SYT13: variants seen among roughly 807,000 people sequenced by gnomAD.
SYT13 encodes the protein synaptotagmin 13.
SYT13 carries 21 observed loss-of-function variants against 38.6 expected under a neutral mutation model. The observed-to-expected ratio is 0.54, with a 90% CI of 0.39 to 0.78. The LOEUF (loss-of-function observed/expected upper bound fraction) is 0.78, where lower values mean the gene tolerates loss of function less well. SYT13 is among the 30% of genes least tolerant of loss of function. SYT13 has a pLI of 0.00. For missense variants in SYT13, 495 were observed against 548.7 expected (o/e 0.90, Z 0.98); for synonymous variants, 241 against 237.6 (o/e 1.01, Z -0.13).
rs781215893 is a variant in SYT13 at position 45,246,443 on chromosome 11, C to T, written c.916G>A (p.Val306Met). Residue 306 changes from valine (V) to methionine (M), a missense_variant, in exon 5 of 6, where the codon GTG becomes ATG. Coordinates refer to ENST00000020926, the MANE Select transcript of SYT13 (RefSeq NM_020826.3). ...AGGTTCTTGGCTTTAATCAGCACCA[C>T]CAGGAGGCGGTTGGCAGCCGGGAGG... is the stretch of plus-strand genomic sequence containing the variant. ...SYLPAANRLL[V>M]VLIKAKNLHS... 1.2e-6 allele frequency: 2 copies of T among 1,614,108 alleles called. No homozygotes were observed. The highest frequency in any genetic ancestry group is 1.1e-5 in the South Asian group (1 of 91,078).
rs750828628 is a variant in SYT13 at position 45,244,146 on chromosome 11, C to T, written c.1187G>A (p.Gly396Asp). 1 of 1,613,768 alleles carries T rather than the reference C, an allele frequency of 6.2e-7. No individual in the cohort carries two copies. The highest frequency in any genetic ancestry group is 8.5e-7 in the Non-Finnish European group (1 of 1,180,038). Residue 396 changes from glycine to aspartate, a missense_variant, in exon 6 of 6, where the codon GGC (glycine) becomes GAC (aspartate). Transcript: ENST00000020926. ...QSCALGHCSL[G>D]LHTSGSERSH... ...GCGCTCAGAGCCCGAGGTGTGCAGG[C>T]CCAGGCTGCAGTGGCCAAGCGCACA...
chr11:45,266,322 T>C (rs1286443275), intron 1 of SYT13, among the ~76,000 whole-genome samples: 3 of 152,168 alleles, frequency 2.0e-5, no homozygotes, highest in Admixed American at 1.3e-4. Context: ...TCAGGAGCAA[T>C]TGGGGATCTT....
chr11:45,263,970 C>T (rs1023923683), intron 1 of SYT13, among the ~76,000 whole-genome samples: 1 of 152,178 alleles, frequency 6.6e-6, no homozygotes, highest in African/African-American at 2.4e-5. Context: ...GCCCAGCCAA[C>T]CCTCGACAAA....
Position 45,252,262 on chromosome 11 carries a change from C to T in SYT13, c.846+159G>A, listed in dbSNP as rs1854685373. On this transcript the variant is annotated intron_variant, in intron 4 of 5. Transcript: ENST00000020926. This position sits in a 1 kb window ranked among gnomAD's most constrained non-coding sequence, Gnocchi z 4.3. Reference sequence around the variant, plus strand: ...ATCCTGGGCTATGGGTCTCCTCTAGCCCTCTGCCCCATTCAAGATTCCAAC... The same window carrying T: ...ATCCTGGGCTATGGGTCTCCTCTAGTCCTCTGCCCCATTCAAGATTCCAAC... Among the ~76,000 whole-genome samples the T allele has an allele frequency of 6.6e-6, 1 of 152,200 alleles. No homozygotes were observed. The highest frequency in any genetic ancestry group is 1.5e-5 in the Non-Finnish European group (1 of 68,028).
chr11:45,254,805 A>G (rs1184676536), intron 2 of SYT13, among the ~76,000 whole-genome samples: 1 of 152,164 alleles, frequency 6.6e-6, no homozygotes, highest in Non-Finnish European at 1.5e-5. Context: ...GATGAAAAGG[A>G]GAGTAGAAAT....
intron 1 of SYT13, among the ~76,000 whole-genome samples, chr11:45,268,167 G>C (rs1356747969): frequency 5.3e-5 from 8 of 152,120 alleles, no homozygotes; most frequent in Non-Finnish European, 1.2e-4. Context: ...AGGAATACCA[G>C]CCAGCCCTAA....
chr11:45,276,863 T>A (rs1300738505), intron 1 of SYT13, among the ~76,000 whole-genome samples: 4 of 152,134 alleles, frequency 2.6e-5, no homozygotes, highest in African/African-American at 9.7e-5. Flanking sequence ...AAATGTTAAA[T>A]ATAGAATTAC....
intron 3 of SYT13, among the ~76,000 whole-genome samples, chr11:45,253,716 C>T (rs1854706245): frequency 6.6e-6 from 1 of 152,094 alleles, no homozygotes; most frequent in African/African-American, 2.4e-5. Flanking sequence ...GCTGTGTGTC[C>T]AGCACAAAGC....
chr11:45,284,045 C>T (rs1855106247), intron 1 of SYT13, among the ~76,000 whole-genome samples: 2 of 152,116 alleles, frequency 1.3e-5, no homozygotes, highest in African/African-American at 4.8e-5. Context: ...GGAAAAAGAC[C>T]TGAAGGATGA....
intron 3 of SYT13, among the ~76,000 whole-genome samples, chr11:45,253,366 C>A (rs944324251): frequency 6.6e-6 from 1 of 152,144 alleles, no homozygotes; most frequent in East Asian, 1.9e-4. Context: ...GCTCTGTCAC[C>A]AGTTAGATGC....
At chr11:45,280,853 A>G (rs1221097899) in intron 1 of SYT13, among the ~76,000 whole-genome samples, 1 of 152,252 alleles carries the variant, frequency 6.6e-6, no homozygotes, top group African/African-American at 2.4e-5. Context: ...AAATGAAGGA[A>G]AAATTCTCTG....
chr11:45,286,330 G>A lies in SYT13; in HGVS notation c.-123C>T. 3 of 1,201,834 alleles carry A rather than the reference G, an allele frequency of 2.5e-6. No individual in the cohort carries two copies. The highest frequency in any genetic ancestry group is 3.3e-6 in the Non-Finnish European group (3 of 896,346). The allele number at this position is 1,201,834 out of a possible 1,614,324, so 74.4% of individuals were successfully genotyped here. ...AGCTCTCCCGCCGCCAGAGGGGCGG[G>A]GACGGAGGGAGGGAGGACGGCTGCG... On this transcript the variant is annotated 5_prime_UTR_variant, in exon 1 of 6. Transcript: ENST00000020926.
rs559300348 is a variant in SYT13 at position 45,269,479 on chromosome 11, C to T, written c.184-13588G>A. The T allele has an allele frequency of 5.4e-4, 700 of 1,286,604 alleles. 2 individuals are homozygous for T. The highest frequency in any genetic ancestry group is 8.5e-4 in the Middle Eastern group (4 of 4,690). The allele number at this position is 1,286,604 out of a possible 1,614,324, so 79.7% of individuals were successfully genotyped here. A position where few individuals can be genotyped will look rare whatever the true frequency, so the allele number is the denominator to read the frequency against. ...ACATCACAAAGCCCTTTGGCCACCA[C>T]CTCTGTAAACTTCATATGTAACAGA... is the stretch of plus-strand genomic sequence containing the variant. On this transcript the variant is annotated intron_variant, in intron 1 of 5. Coordinates refer to ENST00000020926, the MANE Select transcript of SYT13 (RefSeq NM_020826.3).
intron 5 of SYT13, among the ~76,000 whole-genome samples, chr11:45,244,671 C>T (rs539244440): frequency 1.8e-4 from 28 of 152,196 alleles, no homozygotes; most frequent in Non-Finnish European, 3.8e-4. Context: ...TTATTCTCCA[C>T]TCCCCCACTA....
chr11:45,273,366 G>A (rs1854973434), intron 1 of SYT13, among the ~76,000 whole-genome samples: 1 of 152,066 alleles, frequency 6.6e-6, no homozygotes, highest in African/African-American at 2.4e-5. Context: ...CACTCCTCTT[G>A]TCCTCAGATC....
chr11:45,255,002 G>A (rs1435297395), intron 2 of SYT13, among the ~76,000 whole-genome samples: 1 of 152,044 alleles, frequency 6.6e-6, no homozygotes, highest in Non-Finnish European at 1.5e-5. Context: ...TGTAGTCCTA[G>A]GTACTCAGGA....
intron 1 of SYT13, among the ~76,000 whole-genome samples, chr11:45,275,724 A>T (rs2135908765): frequency 6.6e-6 from 1 of 152,318 alleles, no homozygotes; most frequent in Non-Finnish European, 1.5e-5. Context: ...AGGCTCCTCC[A>T]GGCATCACAC....
At chr11:45,257,661 A>G (rs1854765244) in intron 1 of SYT13, among the ~76,000 whole-genome samples, 1 of 152,230 alleles carries the variant, frequency 6.6e-6, no homozygotes, top group African/African-American at 2.4e-5. Flanking sequence ...TTATCCCAGG[A>G]TGAATCCTGG....
At chr11:45,250,245 G>A (rs147407877) in intron 4 of SYT13, among the ~76,000 whole-genome samples, 12 of 152,334 alleles carry the variant, frequency 7.9e-5, no homozygotes, top group Admixed American at 7.2e-4. Flanking sequence ...AAGTGGTTGT[G>A]AGTACATATT....
Sources: allele counts gnomAD v4.1 joint callset (sites outside exome capture counted in the v4.1 genomes callset), GRCh38; gene constraint gnomAD v4.1.1; non-coding constraint Gnocchi (gnomAD v3.1); transcripts MANE v1.5; gene names NCBI Gene and HGNC (gene_info 2026-07-23, HGNC 2026-07-21).